The following NGEF variants were observed in gnomAD, a reference collection of about 807,000 sequenced individuals.
NGEF encodes ephexin-1.
In NGEF, 31 loss-of-function variants were observed where a neutral mutation model predicts 80.9. The ratio of observed to expected loss-of-function variants is 0.38; its 90% CI spans 0.29 to 0.52. NGEF has a LOEUF of 0.52. NGEF is among the 20% of genes least tolerant of loss of function. The probability of loss-of-function intolerance (pLI) is 0.84; values close to 1 mark genes in which losing one functional copy is unlikely to be tolerated. For synonymous variants in NGEF, 371 were observed against 370.2 expected (o/e 1.00, Z -0.03); for missense variants, 709 against 926.2 (o/e 0.77, Z 3.04).
intron 5 of NGEF, among the ~76,000 whole-genome samples, chr2:232,906,144 AC>A (rs1273743417): frequency 1.5e-4 from 10 of 68,072 alleles, no homozygotes; most frequent in African/African-American, 4.8e-4. Flanking sequence ...CCGCCCGGCC[AC>A]CCGCCCCGTC....
chr2:232,934,632 A>G (rs1034832715), intron 3 of NGEF, among the ~76,000 whole-genome samples: 1 of 152,200 alleles, frequency 6.6e-6, no homozygotes, highest in Non-Finnish European at 1.5e-5. Flanking sequence ...TTTTGTTCTG[A>G]ATCATTCACA....
At chr2:232,885,707 C>A (rs866742818) in intron 9 of NGEF, among the ~76,000 whole-genome samples, 9 of 152,278 alleles carry the variant, frequency 5.9e-5, no homozygotes, top group African/African-American at 2.2e-4. Flanking sequence ...CCACAGCCCC[C>A]TGGGTGGCCA....
chr2:232,939,175 CAAAAAAAAAAAAAA>C (rs60357492), intron 3 of NGEF, among the ~76,000 whole-genome samples: 5 of 66,076 alleles, frequency 7.6e-5, no homozygotes, highest in Non-Finnish European at 1.4e-4. Context: ...GACTCAGTCT[CAAAAAAAAAAAAAA>C]AAAAAAAAAA....
chr2:232,888,588 TACAC>T (rs745895373), intron 8 of NGEF, among the ~76,000 whole-genome samples: 218 of 151,824 alleles, frequency 1.4e-3, no homozygotes, highest in African/African-American at 4.5e-3. Flanking sequence ...CGCACACACA[TACAC>T]ACAGCCTCCA....
At chr2:232,914,343 G>T (rs1395235667) in intron 5 of NGEF, among the ~76,000 whole-genome samples, 1 of 152,202 alleles carries the variant, frequency 6.6e-6, no homozygotes, top group Non-Finnish European at 1.5e-5. Context: ...CAGTTTCTTA[G>T]TTGCACTGAC....
At chr2:232,928,868 CTGGG>C (rs1435490317) in intron 3 of NGEF, among the ~76,000 whole-genome samples, 1 of 152,222 alleles carries the variant, frequency 6.6e-6, no homozygotes, top group East Asian at 1.9e-4. Flanking sequence ...TTCGCGTTAG[CTGGG>C]TCAGTCCGCT....
intron 1 of NGEF, among the ~76,000 whole-genome samples, chr2:232,993,662 A>G (rs1439666491): frequency 6.6e-6 from 1 of 152,214 alleles, no homozygotes; most frequent in Non-Finnish European, 1.5e-5. Flanking sequence ...AAAAGTGAAA[A>G]CACCAAGAAC....
intron 3 of NGEF, among the ~76,000 whole-genome samples, chr2:232,932,390 C>T (rs1321795856): frequency 6.6e-6 from 1 of 152,014 alleles, no homozygotes; most frequent in Admixed American, 6.6e-5. Flanking sequence ...TGGTCTCGAA[C>T]TCCTGACCTC....
chr2:233,004,791 C>T (rs1695053301), intron 1 of NGEF, among the ~76,000 whole-genome samples: 2 of 151,968 alleles, frequency 1.3e-5, no homozygotes, highest in Admixed American at 1.3e-4. Context: ...AATTTCCCTT[C>T]CTCATCCTGC....
At chr2:232,926,999 A>G in intron 4 of NGEF, 45 bp downstream of exon 4, 1 of 1,613,504 alleles carries the variant, frequency 6.2e-7, no homozygotes, top group Non-Finnish European at 8.5e-7. Context: ...TCCTCCAGGG[A>G]CCCGCGTTTC....
intron 3 of NGEF, among the ~76,000 whole-genome samples, chr2:232,943,053 C>A (rs914492619): frequency 6.6e-6 from 1 of 151,896 alleles, no homozygotes; most frequent in Non-Finnish European, 1.5e-5. Context: ...AAATGTTGCT[C>A]AGCCCTTGGA....
At chr2:232,998,204 C>T (rs546754948) in intron 1 of NGEF, among the ~76,000 whole-genome samples, 1 of 152,214 alleles carries the variant, frequency 6.6e-6, no homozygotes, top group South Asian at 2.1e-4. Flanking sequence ...CTCATTTGAT[C>T]TTCACAACAA....
At chr2:232,975,648 C>T (rs1694276899) in intron 1 of NGEF, among the ~76,000 whole-genome samples, 1 of 152,094 alleles carries the variant, frequency 6.6e-6, no homozygotes, top group African/African-American at 2.4e-5. Flanking sequence ...CAGGAACAAA[C>T]CCCACCTCCC....
At position 232,884,120 on chromosome 2, in the gene NGEF, G is replaced by A; in HGVS notation, c.1462C>T (p.Arg488Cys). ...IKSVPIISHS[R>C]WLLKQGELQQ... Reference sequence around the variant, plus strand: ...AGCTCACCCTGCTTCAGCAGCCAGCGGGAGTGGGAGATGATGGGCACCGAC... The same window carrying A: ...AGCTCACCCTGCTTCAGCAGCCAGCAGGAGTGGGAGATGATGGGCACCGAC... The change falls in exon 11 of 15, where the codon CGC (arginine) becomes TGC (cysteine). Residue 488 changes from arginine (R) to cysteine (C), a missense_variant. Transcript: ENST00000264051. 1.9e-6 allele frequency: 3 copies of A among 1,605,896 alleles called. No homozygotes were observed. Among genetic ancestry groups the A allele is most frequent in the South Asian group, 1.1e-5 (1 of 90,244 alleles).
rs1692560690 is a variant in NGEF at position 232,906,664 on chromosome 2, ACCC to A, written c.829-11751_829-11749del. On this transcript the variant is annotated intron_variant, in intron 5 of 14. Transcript: ENST00000264051. ...TGAGGAGCCCCTCTGCCCGGCCACC[ACCC>A]CATCTGGGAGGTGTACCCAACAGCT... Among the ~76,000 whole-genome samples, 2 of 93,010 alleles carry A rather than the reference ACCC, an allele frequency of 2.2e-5. 1 individual carries two copies. The highest frequency in any genetic ancestry group is 4.6e-5 in the Non-Finnish European group (2 of 43,702). 61.0% of individuals were successfully genotyped at this position (93,010 alleles called of 152,430 possible).
intron 5 of NGEF, among the ~76,000 whole-genome samples, chr2:232,919,282 GC>G (rs1692881946): frequency 6.6e-6 from 1 of 151,708 alleles, no homozygotes; most frequent in South Asian, 2.1e-4. Flanking sequence ...GTAGGGAAAG[GC>G]AGGACTTTTG....
intron 1 of NGEF, among the ~76,000 whole-genome samples, chr2:233,010,640 C>T (rs1172501379): frequency 1.3e-5 from 2 of 152,114 alleles, no homozygotes; most frequent in South Asian, 2.1e-4. Flanking sequence ...ATGGCCTCAC[C>T]CAGGCTCCCA....
At chr2:232,927,973 G>T in intron 3 of NGEF, 1 of 1,297,002 alleles carries the variant, frequency 7.7e-7, no homozygotes. Flanking sequence ...CGCAGGCGGC[G>T]CTGAAGGCAG....
intron 3 of NGEF, among the ~76,000 whole-genome samples, chr2:232,963,066 G>A (rs1204834105): frequency 6.6e-6 from 1 of 151,756 alleles, no homozygotes; most frequent in Non-Finnish European, 1.5e-5. Context: ...AATTTGTACA[G>A]AAATGCAAAA....
Sources: gnomAD v4.1 joint callset for allele counts (sites outside exome capture counted in the v4.1 genomes callset) on GRCh38, gnomAD v4.1.1 for gene constraint, MANE v1.5 for transcripts, NCBI Gene and HGNC (gene_info 2026-07-23, HGNC 2026-07-21) for gene names.